Variants in ZNF502 observed in about 807,000 individuals in gnomAD.
The protein encoded by ZNF502 is zinc finger protein 502.
ZNF502 carries 29 observed loss-of-function variants against 43.6 expected under a neutral mutation model. That is an observed-to-expected ratio of 0.67 (90% CI 0.50 to 0.91). The LOEUF (loss-of-function observed/expected upper bound fraction) is 0.91. Ranked by LOEUF, ZNF502 falls within the 40% of genes least tolerant of loss-of-function variation. The pLI is 0.00. For missense variants in ZNF502, 591 were observed against 647.2 expected (o/e 0.91, Z 0.94); for synonymous variants, 171 against 207.4 (o/e 0.82, Z 1.51).
chr3:44,721,548 G>T lies in ZNF502; in HGVS notation c.731G>T (p.Cys244Phe). 1 of 1,607,592 alleles carries T rather than the reference G, an allele frequency of 6.2e-7. No homozygotes were observed. Among genetic ancestry groups the T allele is most frequent in the Non-Finnish European group, 8.5e-7 (1 of 1,176,056 alleles). The stretch of plus-strand genomic sequence containing the variant: ...GAGAAACCTTATAAATGCAATGAAT[G>T]TGGGAATTCCTTCCGCAATCACTCA... ...TGEKPYKCNE[C>F]GNSFRNHSHL... Residue 244 changes from cysteine to phenylalanine, a missense_variant, in exon 3 of 3, where the codon TGT becomes TTT. Physicochemically the swap from Cys to Phe is radical, Grantham distance 205. Coordinates refer to ENST00000436624, the MANE Select transcript of ZNF502 (RefSeq NM_001134442.3).
In ZNF502 at chr3:44,722,241, G is replaced by A; in HGVS notation, c.1424G>A (p.Ser475Asn). Residue 475 changes from serine (S) to asparagine (N), a missense_variant, in exon 3 of 3, where the codon AGC becomes AAC. By Grantham distance (46) the Ser-to-Asn change is conservative (BLOSUM62 1). Transcript: ENST00000436624. ...CKECGKAFAH[S>N]SSLTEHHRTH... The stretch of plus-strand genomic sequence containing the variant: ...GAATGTGGGAAAGCCTTTGCTCATA[G>A]CTCATCTCTTACTGAACATCATAGA... 6.2e-7 allele frequency: 1 copy of A among 1,614,174 alleles called. No homozygotes were observed. The highest frequency in any genetic ancestry group is 8.5e-7 in the Non-Finnish European group (1 of 1,180,026).
At chr3:44,717,291 TATTAA>T (rs1357202017) in intron 1 of ZNF502, among the ~76,000 whole-genome samples, 2 of 152,216 alleles carry the variant, frequency 1.3e-5, no homozygotes, top group Non-Finnish European at 2.9e-5. Context: ...TTTTATCATA[TATTAA>T]ATTATTTTTA....
Position 44,721,815 on chromosome 3 carries a change from A to C in ZNF502, c.998A>C (p.Gln333Pro). The change falls in exon 3 of 3, where the codon CAA becomes CCA. Residue 333 changes from glutamine to proline, a missense_variant. Coordinates refer to ENST00000436624, the MANE Select transcript of ZNF502 (RefSeq NM_001134442.3). Reference sequence around the variant, plus strand: ...TGTGACGAATGTGGGAAAACTTTCCAAACAAAGGCAAACCTCTCTCAGCAT... The same window carrying C: ...TGTGACGAATGTGGGAAAACTTTCCCAACAAAGGCAAACCTCTCTCAGCAT... ...HKCDECGKTF[Q>P]TKANLSQHQR... The C allele has an allele frequency of 6.2e-7, 1 of 1,614,152 alleles. No homozygotes were observed. Among genetic ancestry groups the C allele is most frequent in the Non-Finnish European group, 8.5e-7 (1 of 1,180,010 alleles).
chr3:44,717,537 A>C (rs1575539542), intron 1 of ZNF502, among the ~76,000 whole-genome samples: 1 of 149,848 alleles, frequency 6.7e-6, no homozygotes, highest in East Asian at 2.0e-4. Context: ...TCAGCCTCCC[A>C]AGTAGCTGGG....
At position 44,721,461 on chromosome 3, in the gene ZNF502, A is replaced by T; in HGVS notation, c.644A>T (p.Gln215Leu). Residue 215 changes from glutamine (Q) to leucine (L), a missense_variant, in exon 3 of 3, where the codon CAG becomes CTG. Gln to Leu is a moderately radical substitution (Grantham distance 113). Transcript: ENST00000436624. ...HTGVKPYGCEQCGKTFRCRSF... is the reference protein window; with the variant it reads ...HTGVKPYGCELCGKTFRCRSF... ...GGAGTGAAACCATATGGATGTGAGCAGTGTGGGAAAACATTTCGATGTCGA... is the reference window on the plus strand; with the variant it reads ...GGAGTGAAACCATATGGATGTGAGCTGTGTGGGAAAACATTTCGATGTCGA... 6.2e-7 allele frequency: 1 copy of T among 1,614,232 alleles called. No individual in the cohort carries two copies. Among genetic ancestry groups the T allele is most frequent in the Non-Finnish European group, 8.5e-7 (1 of 1,180,032 alleles).
chr3:44,716,930 C>A (rs1478013951), intron 1 of ZNF502, among the ~76,000 whole-genome samples: 1 of 151,896 alleles, frequency 6.6e-6, no homozygotes, highest in Non-Finnish European at 1.5e-5. Context: ...TGTAAGAAGT[C>A]TTTATTAGGT....
At position 44,722,545 on chromosome 3, in the gene ZNF502, A is replaced by G; in HGVS notation, c.*93A>G. 1 of 1,461,632 alleles carries G rather than the reference A, an allele frequency of 6.8e-7. No individual in the cohort carries two copies. Among genetic ancestry groups the G allele is most frequent in the Non-Finnish European group, 9.1e-7 (1 of 1,096,560 alleles). The allele number at this position is 1,461,632 out of a possible 1,614,324, so 90.5% of individuals were successfully genotyped here. On this transcript the variant is annotated 3_prime_UTR_variant, in exon 3 of 3. Coordinates refer to ENST00000436624, the MANE Select transcript of ZNF502 (RefSeq NM_001134442.3). ...GCAGGTAGAGTTCCTGGAGGGAAGG[A>G]TGAAGGAGCCTTGGCTACTGTACTC...
Position 44,720,265 on chromosome 3 carries a change from T to G in ZNF502, c.4T>G (p.Leu2Val). M[L>V]NMQGAEERDI... ...AAAGCGAAGAGACGATCTGTGGATG[T>G]TGAATATGCAAGGAGCTGAAGAGAG... is the stretch of plus-strand genomic sequence containing the variant. The change falls in exon 2 of 3, where the codon TTG becomes GTG. Residue 2 changes from leucine (L) to valine (V), a missense_variant. Coordinates refer to ENST00000436624, the MANE Select transcript of ZNF502 (RefSeq NM_001134442.3). 3 of 1,614,120 alleles carry G rather than the reference T, an allele frequency of 1.9e-6. No individual in the cohort carries two copies. The highest frequency in any genetic ancestry group is 2.2e-5 in the South Asian group (2 of 91,088).
At chr3:44,715,623 A>G (rs941153261) in intron 1 of ZNF502, among the ~76,000 whole-genome samples, 3 of 152,166 alleles carry the variant, frequency 2.0e-5, no homozygotes, top group African/African-American at 7.2e-5. Flanking sequence ...TATAGATAAT[A>G]GAGGACATTT....
chr3:44,718,110 C>T (rs530850981), intron 1 of ZNF502, among the ~76,000 whole-genome samples: 1 of 152,322 alleles, frequency 6.6e-6, no homozygotes, highest in Non-Finnish European at 1.5e-5. Context: ...TGTGTATGCC[C>T]TGTTCTACTT....
chr3:44,713,194 A>G (rs1680275905), intron 1 of ZNF502, among the ~76,000 whole-genome samples: 1 of 152,220 alleles, frequency 6.6e-6, no homozygotes, highest in African/African-American at 2.4e-5. Flanking sequence ...GACCTGAGTT[A>G]CAATTCTGGA....
At chr3:44,714,361 A>C (rs1392535652) in intron 1 of ZNF502, among the ~76,000 whole-genome samples, 1 of 152,188 alleles carries the variant, frequency 6.6e-6, no homozygotes, top group Non-Finnish European at 1.5e-5. Context: ...GCACCTGTAC[A>C]TTACTTTCTG....
chr3:44,722,531 TC>T lies in ZNF502; in HGVS notation c.*81del. 6.7e-7 allele frequency: 1 copy of T among 1,497,770 alleles called. No homozygotes were observed. The highest frequency in any genetic ancestry group is 2.3e-5 in the East Asian group (1 of 44,120). 92.8% of individuals were successfully genotyped at this position (1,497,770 alleles called of 1,614,324 possible). ...CTGGGAGTAGAGGGGCAGGTAGAGTTCCTGGAGGGAAGGATGAAGGAGCCTT... is the reference window on the plus strand; with the variant it reads ...CTGGGAGTAGAGGGGCAGGTAGAGTTCTGGAGGGAAGGATGAAGGAGCCTT... On this transcript the variant is annotated 3_prime_UTR_variant, in exon 3 of 3. Transcript: ENST00000436624.
intron 1 of ZNF502, among the ~76,000 whole-genome samples, chr3:44,718,359 C>T (rs917553834): frequency 3.3e-5 from 5 of 152,190 alleles, no homozygotes; most frequent in African/African-American, 4.8e-5. Context: ...CCCTCCCACT[C>T]CTCACCACTA....
At chr3:44,714,013 G>C (rs1411902557) in intron 1 of ZNF502, among the ~76,000 whole-genome samples, 1 of 152,140 alleles carries the variant, frequency 6.6e-6, no homozygotes, top group Non-Finnish European at 1.5e-5. Context: ...TGCACTGTTT[G>C]GTGCCAAAAT....
chr3:44,713,581 G>T lies in ZNF502; in HGVS notation c.-60+841G>T, dbSNP rs1704074355. ...TGTACAGTTTTGTTTTTTGGTTTTT[G>T]GTTTGTTTTTTTTTTTGAGACGGGA... is the stretch of plus-strand genomic sequence containing the variant. On this transcript the variant is annotated intron_variant, in intron 1 of 2. Transcript: ENST00000436624. Among the ~76,000 whole-genome samples the T allele has an allele frequency of 2.0e-5, 3 of 151,368 alleles. No homozygotes were observed. In the South Asian group the frequency reaches 6.2e-4, roughly 31 times the overall value.
At chr3:44,720,123 G>A (rs1704269865) in intron 1 of ZNF502, 80 bp from the exon 2 acceptor site, 1 of 855,998 alleles carries the variant, frequency 1.2e-6, no homozygotes, top group South Asian at 1.4e-5. Flanking sequence ...GTGTCCCTAG[G>A]CAACAGCTCT....
intron 1 of ZNF502, among the ~76,000 whole-genome samples, chr3:44,719,605 C>G (rs1170348864): frequency 6.6e-6 from 1 of 152,136 alleles, no homozygotes; most frequent in African/African-American, 2.4e-5. Flanking sequence ...ATTTCTGTTT[C>G]TTTTTAACTG....
intron 1 of ZNF502, among the ~76,000 whole-genome samples, chr3:44,719,912 T>G (rs961368857): frequency 2.6e-5 from 4 of 152,260 alleles, no homozygotes; most frequent in African/African-American, 9.6e-5. Flanking sequence ...CGTTTAATCT[T>G]TATAATTATA....
Sources: gnomAD v4.1 joint callset for allele counts (sites outside exome capture counted in the v4.1 genomes callset) on GRCh38, gnomAD v4.1.1 for gene constraint, MANE v1.5 for transcripts, NCBI Gene and HGNC (gene_info 2026-07-23, HGNC 2026-07-21) for gene names.